The following DGKH variants were observed in gnomAD, a reference collection of about 807,000 sequenced individuals.
DGKH encodes the protein DAG kinase eta.
A neutral mutation model predicts 159.3 loss-of-function variants in DGKH; 90 were observed. That is an observed-to-expected ratio of 0.57 (90% CI 0.48 to 0.67). DGKH has a LOEUF of 0.67. Among genes scored for constraint, DGKH ranks in the 30% least tolerant of loss-of-function variants. The probability of loss-of-function intolerance (pLI) is 0.00; values close to 1 mark genes in which losing one functional copy is unlikely to be tolerated. For missense variants in DGKH, 1,181 were observed against 1,506.1 expected, an observed-to-expected ratio of 0.78 and a Z score of 3.57; for synonymous variants, 536 against 553.8, an observed-to-expected ratio of 0.97 and a Z score of 0.45.
chr13:42,256,364 T>A, exon 31 of DGKH: 1 of 1,587,132 alleles, frequency 6.3e-7, no homozygotes, highest in Non-Finnish European at 8.7e-7. Flanking sequence ...GTCTCAAATG[T>A]TGGTGACAGC....
intron 1 of DGKH, among the ~76,000 whole-genome samples, chr13:42,094,748 C>A (rs1954489043): frequency 6.6e-6 from 1 of 152,062 alleles, no homozygotes; most frequent in Admixed American, 6.6e-5. Flanking sequence ...TATGCAAAGC[C>A]CATATGTTGT....
chr13:42,155,726 C>T lies in DGKH; in HGVS notation c.549C>T (p.His183=), dbSNP rs193136089. The change falls in exon 5 of 30, where the codon CAC becomes CAT. Residue 183 remains histidine, a synonymous_variant. Coordinates refer to ENST00000337343, the MANE Select transcript of DGKH (RefSeq NM_178009.5). The part of the protein sequence containing the change: ...SGMHNWYACS[H]ARPTFCNVCR... Reference sequence around the variant, plus strand: ...TGCACAACTGGTACGCCTGCTCCCACGCCCGACCCACCTTCTGTAACGTGT... The same window carrying T: ...TGCACAACTGGTACGCCTGCTCCCATGCCCGACCCACCTTCTGTAACGTGT... 93 of 1,614,136 alleles carry T rather than the reference C, an allele frequency of 5.8e-5. No individual in the cohort carries two copies. Among genetic ancestry groups the T allele is most frequent in the South Asian group, 4.1e-4 (37 of 91,070 alleles).
rs1880972637 is a variant in DGKH at position 42,048,654 on chromosome 13, C to G, written c.-120C>G. On this transcript the variant is annotated 5_prime_UTR_variant, in exon 1 of 30. Coordinates refer to ENST00000337343, the MANE Select transcript of DGKH (RefSeq NM_178009.5). The surrounding 1 kb of genome is among the most constrained non-coding windows in gnomAD (Gnocchi z 6.7). ...TACCTCGCGGGGGTAGCTAGGGAAACGGAAGATGGCGGCGGCGGCCGGGCA... is the reference window on the plus strand; with the variant it reads ...TACCTCGCGGGGGTAGCTAGGGAAAGGGAAGATGGCGGCGGCGGCCGGGCA... 3 of 1,178,642 alleles carry G rather than the reference C, an allele frequency of 2.5e-6. No individual in the cohort carries two copies. The highest frequency in any genetic ancestry group is 8.8e-5 in the Admixed American group (2 of 22,746). The allele number at this position is 1,178,642 out of a possible 1,614,324, so 73.0% of individuals were successfully genotyped here.
intron 13 of DGKH, among the ~76,000 whole-genome samples, chr13:42,184,669 T>C (rs9590676): frequency 0.33 from 50,651 of 151,776 alleles, 9,855 homozygotes; most frequent in East Asian, 0.51. Flanking sequence ...AGAGACCAGC[T>C]GGGGCGACAC....
At chr13:42,169,330 A>G (rs1956389660) in intron 11 of DGKH, among the ~76,000 whole-genome samples, 1 of 152,216 alleles carries the variant, frequency 6.6e-6, no homozygotes, top group Admixed American at 6.5e-5. Context: ...TCCCAGGGGC[A>G]GGAAAATATT....
chr13:42,052,549 C>T (rs1881403824), intron 1 of DGKH, among the ~76,000 whole-genome samples: 1 of 152,206 alleles, frequency 6.6e-6, no homozygotes, highest in Non-Finnish European at 1.5e-5. Context: ...TCTCTTCCCC[C>T]TCTTTACCTT....
intron 5 of DGKH, 131 bp downstream of exon 5, chr13:42,155,930 GA>G (rs1026050050): frequency 1.3e-4 from 130 of 989,644 alleles, no homozygotes; most frequent in African/African-American, 8.3e-4. Context: ...TTTTGCTCAG[GA>G]AAAAAAAACA....
intron 3 of DGKH, among the ~76,000 whole-genome samples, chr13:42,132,194 T>C (rs911775264): frequency 2.6e-5 from 4 of 152,240 alleles, no homozygotes; most frequent in South Asian, 2.1e-4. Context: ...CATAGTGATG[T>C]TTCGATATAT....
At chr13:42,076,235 C>A (rs1954096433) in intron 1 of DGKH, among the ~76,000 whole-genome samples, 1 of 152,122 alleles carries the variant, frequency 6.6e-6, no homozygotes, top group South Asian at 2.1e-4. Context: ...TGTTTGCAGC[C>A]TGTGTAACAG....
At chr13:42,080,045 G>A (rs890378367) in intron 1 of DGKH, among the ~76,000 whole-genome samples, 3 of 152,218 alleles carry the variant, frequency 2.0e-5, no homozygotes, top group Middle Eastern at 6.8e-3. Context: ...TTCTCACGTT[G>A]CTTTTTCGAT....
chr13:42,071,338 C>T (rs1222361740), intron 1 of DGKH, among the ~76,000 whole-genome samples: 1 of 152,158 alleles, frequency 6.6e-6, no homozygotes, highest in African/African-American at 2.4e-5. Context: ...ACTCATAGTT[C>T]AAGAAAGGGG....
chr13:42,197,252 CAAA>C (rs71703387), intron 17 of DGKH, among the ~76,000 whole-genome samples: 2 of 86,226 alleles, frequency 2.3e-5, no homozygotes, highest in East Asian at 2.7e-4. Flanking sequence ...TCTATCTCAA[CAAA>C]AAAAAAAAAA....
intron 29 of DGKH, among the ~76,000 whole-genome samples, chr13:42,248,581 A>C (rs929300700): frequency 2.0e-5 from 3 of 147,358 alleles, no homozygotes; most frequent in African/African-American, 7.4e-5. Context: ...AATATAAAAT[A>C]ATTTATAATT....
intron 1 of DGKH, among the ~76,000 whole-genome samples, chr13:42,081,194 T>C (rs1014692032): frequency 6.6e-6 from 1 of 152,200 alleles, no homozygotes; most frequent in Admixed American, 6.5e-5. Context: ...CTTTTCTCTA[T>C]TTAGGTTGCC....
rs142431307 is a variant in DGKH at position 42,225,504 on chromosome 13, G to A, written c.3574-3595G>A. On this transcript the variant is annotated intron_variant, in intron 29 of 29. Coordinates refer to ENST00000337343, the MANE Select transcript of DGKH (RefSeq NM_178009.5). ...ATATGATAAAAACTGGCCAGGCGAG[G>A]TGGCTTATCCCTGTAATCCCAGCAC... 1.9e-3 allele frequency among the ~76,000 whole-genome samples: 292 copies of A among 152,230 alleles called. 2 individuals are homozygous for A. The highest frequency in any genetic ancestry group is 6.8e-3 in the Middle Eastern group (2 of 294).
At position 42,053,618 on chromosome 13, in the gene DGKH, G is replaced by T. The variant is rs1444880773; in HGVS notation, c.192+4653G>T. On this transcript the variant is annotated intron_variant, in intron 1 of 29. Coordinates refer to ENST00000337343, the MANE Select transcript of DGKH (RefSeq NM_178009.5). ...TATATGTATATATATAACTATATAT[G>T]TATATATATATATTTTTTTGAGACG... is the stretch of plus-strand genomic sequence containing the variant. Among the ~76,000 whole-genome samples the T allele has an allele frequency of 5.8e-5, 8 of 137,244 alleles. No homozygotes were observed. In the East Asian group the frequency reaches 1.0e-3, roughly 17 times the overall value. The allele number at this position is 137,244 out of a possible 152,430, so 90.0% of individuals were successfully genotyped here. A position where few individuals can be genotyped will look rare whatever the true frequency, so the allele number is the denominator to read the frequency against.
At chr13:42,199,131 A>T (rs1343049980) in intron 18 of DGKH, among the ~76,000 whole-genome samples, 1 of 152,172 alleles carries the variant, frequency 6.6e-6, no homozygotes, top group Non-Finnish European at 1.5e-5. Flanking sequence ...GGAAGAATGG[A>T]TTGGATCTAG....
chr13:42,207,122 TCTCCTTCCTTCCTTCCTTCCTTCC>T (rs1957517108), intron 21 of DGKH, among the ~76,000 whole-genome samples: 3 of 49,602 alleles, frequency 6.0e-5, no homozygotes, highest in Non-Finnish European at 1.4e-4. Context: ...TCTCTTTCTC[TCTCCTTCCTTCCTTCCTTCCTTCC>T]TTCCTTCCTT....
intron 1 of DGKH, among the ~76,000 whole-genome samples, chr13:42,053,474 G>A (rs1276654422): frequency 7.0e-6 from 1 of 143,506 alleles, no homozygotes; most frequent in African/African-American, 2.5e-5. Flanking sequence ...ATAACTATAT[G>A]TATAACTATA....
Sources: allele counts gnomAD v4.1 joint callset (sites outside exome capture counted in the v4.1 genomes callset), GRCh38; gene constraint gnomAD v4.1.1; non-coding constraint Gnocchi (gnomAD v3.1); transcripts MANE v1.5; gene names NCBI Gene and HGNC (gene_info 2026-07-23, HGNC 2026-07-21).